The following SP140L variants were observed in gnomAD, a reference collection of about 807,000 sequenced individuals.
SP140L encodes nuclear body protein SP140-like protein.
Under a neutral mutation model 84.3 loss-of-function variants are expected in SP140L, and 64 were observed. The observed-to-expected ratio is 0.76, with a 90% CI of 0.62 to 0.94. SP140L has a LOEUF of 0.94. Ranked by LOEUF, SP140L falls within the 40% of genes least tolerant of loss-of-function variation. The pLI, the probability that SP140L is intolerant of heterozygous loss-of-function variation, is 0.00. For synonymous variants in SP140L, 242 were observed against 236.9 expected (o/e 1.02, Z -0.20); for missense variants, 628 against 692.5 (o/e 0.91, Z 1.05).
At chr2:230,335,833 AC>A (rs2059858231) in intron 2 of SP140L, among the ~76,000 whole-genome samples, 15 of 152,212 alleles carry the variant, frequency 9.9e-5, no homozygotes, top group Admixed American at 9.2e-4. Context: ...GATGGTATCA[AC>A]AATGGTGTTA....
chr2:230,355,842 A>AT (rs1282767127), intron 2 of SP140L, among the ~76,000 whole-genome samples: 2 of 152,126 alleles, frequency 1.3e-5, no homozygotes, highest in African/African-American at 4.8e-5. Context: ...AAAATTAAAG[A>AT]TTTTTTCCTA....
intron 7 of SP140L, chr2:230,372,538 A>C (rs1355549253): frequency 1.3e-5 from 2 of 152,044 alleles, no homozygotes; most frequent in Non-Finnish European, 2.9e-5. Context: ...ATCTTGGCTA[A>C]CACGGTGAAA....
In SP140L at chr2:230,403,017, C is replaced by A; in HGVS notation, c.*121C>A. The A allele has an allele frequency of 5.5e-6, 4 of 730,182 alleles. No homozygotes were observed. Among genetic ancestry groups the A allele is most frequent in the Non-Finnish European group, 9.0e-6 (4 of 444,736 alleles). 45.2% of individuals were successfully genotyped at this position (730,182 alleles called of 1,614,324 possible). A position where few individuals can be genotyped will look rare whatever the true frequency, so the allele number is the denominator to read the frequency against. On this transcript the variant is annotated 3_prime_UTR_variant, in exon 19 of 19. Transcript: ENST00000415673. The stretch of plus-strand genomic sequence containing the variant: ...AGGCTTTTCTCTGAGCCTCCCTCAT[C>A]TGCCCAAAAACAAATCCTCAAAAGA...
chr2:230,389,666 A>C lies in SP140L; in HGVS notation c.860-253A>C, dbSNP rs149303421. On this transcript the variant is annotated intron_variant, in intron 10 of 18. Transcript: ENST00000415673. The stretch of plus-strand genomic sequence containing the variant: ...AGTGGAGCTTACTACACTGGAAGTT[A>C]AAACAGTTTTACTGAAGTCTAATTT... Among the ~76,000 whole-genome samples the C allele has an allele frequency of 2.0e-3, 299 of 152,316 alleles. 1 individual carries two copies. The highest frequency in any genetic ancestry group is 6.7e-3 in the African/African-American group (280 of 41,580).
intron 13 of SP140L, 98 bp from the exon 14 acceptor site, chr2:230,396,659 C>T: frequency 7.1e-7 from 1 of 1,411,402 alleles, no homozygotes; most frequent in Non-Finnish European, 9.7e-7. Flanking sequence ...ACAACTGGTT[C>T]CTGAATCCCT....
chr2:230,385,400 AACTT>A, intron 9 of SP140L, 96 bp downstream of exon 9: 2 of 1,142,212 alleles, frequency 1.8e-6, no homozygotes, highest in South Asian at 2.9e-5. Flanking sequence ...TTACTAGTCA[AACTT>A]AGTCAATTTC....
At chr2:230,366,700 G>A (rs1419678197) in intron 5 of SP140L, among the ~76,000 whole-genome samples, 1 of 90,902 alleles carries the variant, frequency 1.1e-5, no homozygotes, top group Non-Finnish European at 1.9e-5. Flanking sequence ...GTTGTTTTGT[G>A]GATTATTATC....
chr2:230,350,114 G>A (rs1445611062), intron 2 of SP140L, among the ~76,000 whole-genome samples: 1 of 152,146 alleles, frequency 6.6e-6, no homozygotes, highest in African/African-American at 2.4e-5. Context: ...AGAAAGATCT[G>A]AAGGGATCTG....
intron 13 of SP140L, among the ~76,000 whole-genome samples, chr2:230,394,738 G>A (rs570254940): frequency 3.3e-5 from 5 of 152,260 alleles, no homozygotes; most frequent in Admixed American, 2.6e-4. Flanking sequence ...GAGGTCCCCC[G>A]AGTGGCAGAT....
rs1416332578 is a variant in SP140L, at chr2:230,401,431, A to T, written c.1488A>T (p.Pro496=). 1 of 1,537,480 alleles carries T rather than the reference A, an allele frequency of 6.5e-7. No individual in the cohort carries two copies. The highest frequency in any genetic ancestry group is 8.8e-7 in the Non-Finnish European group (1 of 1,137,424). The change falls in exon 17 of 19, where the codon CCA becomes CCT. Residue 496 remains proline (P), a synonymous_variant. Transcript: ENST00000415673. Reference sequence around the variant, plus strand: ...AGAGCTCCTTTTTTGCCAAGATTCCATACTATTATTATGTAAGTAACAACA... The same window carrying T: ...AGAGCTCCTTTTTTGCCAAGATTCCTTACTATTATTATGTAAGTAACAACA... ...CSESSFFAKI[P]YYYYIREACQ... is the part of the protein sequence containing the mutation.
chr2:230,345,210 A>G (rs946164480), intron 2 of SP140L, among the ~76,000 whole-genome samples: 2 of 152,194 alleles, frequency 1.3e-5, no homozygotes, highest in African/African-American at 4.8e-5. Context: ...TACAACTGTT[A>G]TATCCTCTTG....
At chr2:230,354,946 A>C (rs2060498683) in intron 2 of SP140L, among the ~76,000 whole-genome samples, 1 of 151,956 alleles carries the variant, frequency 6.6e-6, no homozygotes, top group African/African-American at 2.4e-5. Context: ...AAGAAAAAGA[A>C]AGAAAGAGAA....
intron 2 of SP140L, chr2:230,341,991 A>C (rs2060059592): frequency 6.5e-6 from 1 of 153,826 alleles, no homozygotes; most frequent in South Asian, 2.0e-4. Context: ...AGAGACAGGC[A>C]GGCCTCCTTG....
At chr2:230,356,857 A>G (rs1391125255) in intron 2 of SP140L, among the ~76,000 whole-genome samples, 3 of 151,828 alleles carry the variant, frequency 2.0e-5, no homozygotes, top group Non-Finnish European at 4.4e-5. Flanking sequence ...TGTCACTGTA[A>G]ATCTAATTCC....
chr2:230,370,908 G>A lies in SP140L; in HGVS notation c.524G>A (p.Gly175Glu), dbSNP rs370910436. 6.4e-5 allele frequency: 104 copies of A among 1,613,378 alleles called. No individual in the cohort carries two copies. Among genetic ancestry groups the A allele is most frequent in the Non-Finnish European group, 8.2e-5 (97 of 1,179,666 alleles). Residue 175 changes from glycine to glutamate, a missense_variant and splice_region_variant, in exon 6 of 19, where the codon GGA (glycine) becomes GAA (glutamate). Physicochemically the swap from Gly to Glu is moderately conservative, Grantham distance 98. Around this residue, in one of 4 missense-constraint regions of SP140L, gnomAD observed 525 missense variants for 518.4 expected, o/e 1.01. Coordinates refer to ENST00000415673, the MANE Select transcript of SP140L (RefSeq NM_138402.6). ...RPDIKLSLKQ[G>E]EVPESPEARK... ...TGTTCCTATGTCATGTGTTTCTCAG[G>A]AGAAGTGCCAGAAAGCCCGGAAGCA...
rs760062983 is a variant in SP140L, at chr2:230,393,412, A to G, written c.1108-2A>G. The G allele has an allele frequency of 6.4e-5, 101 of 1,584,062 alleles. No homozygotes were observed. Among genetic ancestry groups the G allele is most frequent in the Non-Finnish European group, 8.4e-5 (98 of 1,167,172 alleles). ...ATGTACCTTGGTCTTTTTATCTTTCAGGAAGGATCTCTACCTAATCCTCCA... is the reference window on the plus strand; with the variant it reads ...ATGTACCTTGGTCTTTTTATCTTTCGGGAAGGATCTCTACCTAATCCTCCA... On this transcript the variant is annotated splice_acceptor_variant, in intron 12 of 18. Coordinates refer to ENST00000415673, the MANE Select transcript of SP140L (RefSeq NM_138402.6). LOFTEE classifies it high-confidence loss of function.
In SP140L at chr2:230,392,091, C is replaced by T. The variant is rs1207483623; in HGVS notation, c.969C>T (p.Thr323=). ...CAAGTTACCCTGGTCTTACAGGAAC[C>T]TTGGCAAAGTGTATACAGACTGAGG... ...ILHKEKLEQG[T]LAKCIQTEDG... Residue 323 remains threonine, a synonymous_variant, in exon 12 of 19, where the codon ACC becomes ACT. Transcript: ENST00000415673. The T allele has an allele frequency of 6.2e-7, 1 of 1,613,730 alleles. No homozygotes were observed. Among genetic ancestry groups the T allele is most frequent in the African/African-American group, 1.3e-5 (1 of 74,880 alleles).
intron 9 of SP140L, among the ~76,000 whole-genome samples, chr2:230,387,504 C>T (rs1198472203): frequency 6.6e-6 from 1 of 152,122 alleles, no homozygotes; most frequent in Non-Finnish European, 1.5e-5. Context: ...CCGATTGGTC[C>T]TTTCTACTTT....
At chr2:230,328,608 C>G in intron 1 of SP140L, 149 bp from the exon 2 acceptor site, 1 of 1,045,342 alleles carries the variant, frequency 9.6e-7, no homozygotes, top group South Asian at 2.2e-5. Flanking sequence ...TCACGTTTAT[C>G]AATAAGCTAT....
Sources: allele counts gnomAD v4.1 joint callset (sites outside exome capture counted in the v4.1 genomes callset), GRCh38; gene constraint gnomAD v4.1.1; regional missense constraint gnomAD v4.1.1; transcripts MANE v1.5; gene names NCBI Gene and HGNC (gene_info 2026-07-23, HGNC 2026-07-21).